The following RBFOX1 variants were observed in gnomAD, a reference collection of about 807,000 sequenced individuals.
RBFOX1 encodes the protein RNA binding fox-1 homolog 1.
In RBFOX1, 8 loss-of-function variants were observed where a neutral mutation model predicts 57.7. The ratio of observed to expected loss-of-function variants is 0.14; its 90% confidence interval spans 0.08 to 0.25. RBFOX1 has a LOEUF of 0.25. Ranked by LOEUF, RBFOX1 falls within the 10% of genes least tolerant of loss-of-function variation. The probability of loss-of-function intolerance (pLI) is 1.00; values close to 1 mark genes in which losing one functional copy is unlikely to be tolerated. For missense variants in RBFOX1, 611 were observed against 548.5 expected (o/e 1.11, Z -1.14); for synonymous variants, 326 against 222.4 (o/e 1.47, Z -4.15).
intron 2 of RBFOX1, among the ~76,000 whole-genome samples, chr16:6,385,974 C>A (rs373809022): frequency 6.8e-6 from 1 of 147,948 alleles, no homozygotes; most frequent in Non-Finnish European, 1.5e-5. Flanking sequence ...CTTGCTCTGT[C>A]GCCCAGGCTG....
rs7198502 is a variant in RBFOX1, at chr16:6,895,418, A to G, written c.-15-156639A>G. Among the ~76,000 whole-genome samples, 601 of 86,790 alleles carry G rather than the reference A, an allele frequency of 6.9e-3. 13 individuals are homozygous for G. The highest frequency in any genetic ancestry group is 0.023 in the Middle Eastern group (3 of 132). 56.9% of individuals were successfully genotyped at this position (86,790 alleles called of 152,430 possible). On this transcript the variant is annotated intron_variant, in intron 3 of 15. Transcript: ENST00000550418. Reference sequence around the variant, plus strand: ...CTCAGCCACTAGTTGTTAGTAATATATGTGTGTGTGTGTGTGTGTGTGTGT... The same window carrying G: ...CTCAGCCACTAGTTGTTAGTAATATGTGTGTGTGTGTGTGTGTGTGTGTGT...
rs2048399049 is a variant in RBFOX1 at position 5,628,170 on chromosome 16, T to C, written c.318+29209T>C. Among the ~76,000 whole-genome samples the C allele has an allele frequency of 2.0e-5, 3 of 152,346 alleles. No homozygotes were observed. In the South Asian group the frequency reaches 6.2e-4, roughly 32 times the overall value. ...AGTTTAGTGTCTGGCATTGGGTAGA[T>C]ACCCTTATATCAGATAGTCTATTGA... On this transcript the variant is annotated intron_variant, in intron 3 of 19. Transcript: ENST00000641259.
intron 1 of RBFOX1, among the ~76,000 whole-genome samples, chr16:6,142,512 T>C (rs139174987): frequency 2.2e-3 from 340 of 152,062 alleles, no homozygotes; most frequent in African/African-American, 7.3e-3. Flanking sequence ...TGAGCCACCA[T>C]GCCTGGCCAA....
chr16:5,633,852 T>TAA (rs71142635), intron 3 of RBFOX1, among the ~76,000 whole-genome samples: 8,096 of 143,718 alleles, frequency 0.056, 662 homozygotes, highest in African/African-American at 0.18. Flanking sequence ...GACTCCGTCT[T>TAA]AAAAAAAAAA....
intron 3 of RBFOX1, among the ~76,000 whole-genome samples, chr16:6,687,821 G>A (rs1377180432): frequency 1.3e-5 from 2 of 152,182 alleles, no homozygotes; most frequent in Non-Finnish European, 2.9e-5. Flanking sequence ...AGTCACATGG[G>A]CCCAACCTAA....
chr16:6,903,464 A>G (rs1478331763), intron 3 of RBFOX1, among the ~76,000 whole-genome samples: 2 of 152,220 alleles, frequency 1.3e-5, no homozygotes, highest in South Asian at 2.1e-4. Context: ...CTGTCTTTGA[A>G]TTCTCTAGTG....
At chr16:5,491,415 C>A (rs149250128) in intron 2 of RBFOX1, among the ~76,000 whole-genome samples, 458 of 152,306 alleles carry the variant, frequency 3.0e-3, no homozygotes, top group Middle Eastern at 6.8e-3. Context: ...TTCTATCTGG[C>A]TTCCTTTGAT....
intron 1 of RBFOX1, among the ~76,000 whole-genome samples, chr16:5,243,950 G>T (rs947262065): frequency 6.6e-6 from 1 of 151,994 alleles, no homozygotes; most frequent in South Asian, 2.1e-4. Flanking sequence ...AGGCTGGAGT[G>T]CAGTGGCATG....
intron 2 of RBFOX1, among the ~76,000 whole-genome samples, chr16:6,611,589 C>T (rs1262423732): frequency 3.3e-5 from 5 of 152,206 alleles, no homozygotes; most frequent in African/African-American, 9.7e-5. Flanking sequence ...CATGGTTTTT[C>T]CTATCCGTGT....
chr16:6,488,672 A>G (rs1417872248), intron 2 of RBFOX1, among the ~76,000 whole-genome samples: 1 of 152,242 alleles, frequency 6.6e-6, no homozygotes, highest in Admixed American at 6.5e-5. Context: ...CTGTTTACAC[A>G]TAATGGGTAC....
intron 4 of RBFOX1, among the ~76,000 whole-genome samples, chr16:7,316,100 A>C (rs966274604): frequency 6.6e-6 from 1 of 152,202 alleles, no homozygotes; most frequent in African/African-American, 2.4e-5. Flanking sequence ...AAATAAAATC[A>C]CATTTCCTCT....
intron 4 of RBFOX1, among the ~76,000 whole-genome samples, chr16:7,501,252 A>G (rs9933576): frequency 0.029 from 4,430 of 152,286 alleles, 219 homozygotes; most frequent in African/African-American, 0.1. Context: ...TTCTATTTCA[A>G]GCACTAGAGT....
intron 2 of RBFOX1, among the ~76,000 whole-genome samples, chr16:6,492,181 AT>A (rs2153138454): frequency 6.6e-6 from 1 of 152,258 alleles, no homozygotes; most frequent in Non-Finnish European, 1.5e-5. Context: ...TATATATTGT[AT>A]TGGAAAATAA....
At chr16:7,419,555 TTGCGGCATA>T (rs1365670105) in intron 4 of RBFOX1, among the ~76,000 whole-genome samples, 1 of 152,248 alleles carries the variant, frequency 6.6e-6, no homozygotes. Flanking sequence ...ATGGCAAATG[TTGCGGCATA>T]TGCAAGCTTG....
chr16:6,066,925 T>G (rs2095772309), intron 1 of RBFOX1, among the ~76,000 whole-genome samples: 1 of 152,090 alleles, frequency 6.6e-6, no homozygotes, highest in South Asian at 2.1e-4. Context: ...TATGGTGTAT[T>G]ATGAAATGAA....
chr16:5,877,712 A>C lies in RBFOX1; in HGVS notation c.351+10377A>C, dbSNP rs1486207818. Among the ~76,000 whole-genome samples the C allele has an allele frequency of 2.6e-5, 4 of 152,368 alleles. No homozygotes were observed. The East Asian group carries it at 7.7e-4, about 29-fold the overall frequency. Reference sequence around the variant, plus strand: ...GAGTGTGCCCAGAGTAGCAGCTCAGAGGCAGTTGTGCAGTCATATTTAGAC... The same window carrying C: ...GAGTGTGCCCAGAGTAGCAGCTCAGCGGCAGTTGTGCAGTCATATTTAGAC... On this transcript the variant is annotated intron_variant, in intron 4 of 19. Transcript: ENST00000641259.
At chr16:6,711,992 G>T (rs1047745865) in intron 3 of RBFOX1, among the ~76,000 whole-genome samples, 2 of 152,132 alleles carry the variant, frequency 1.3e-5, no homozygotes, top group Non-Finnish European at 2.9e-5. Flanking sequence ...ATACGTTTTA[G>T]TGATTTTGTT....
intron 3 of RBFOX1, among the ~76,000 whole-genome samples, chr16:6,751,585 T>A (rs59019841): frequency 0.089 from 13,602 of 152,198 alleles, 762 homozygotes; most frequent in East Asian, 0.16. Context: ...CCTCTGCACA[T>A]CTGATTTGGG....
At chr16:6,048,262 T>A (rs1259135756) in intron 1 of RBFOX1, among the ~76,000 whole-genome samples, 3 of 152,210 alleles carry the variant, frequency 2.0e-5, no homozygotes, top group East Asian at 1.9e-4. Flanking sequence ...AGGATTTGAG[T>A]TCAGACCTTT....
Sources: gnomAD v4.1 joint callset for allele counts (sites outside exome capture counted in the v4.1 genomes callset) on GRCh38, gnomAD v4.1.1 for gene constraint, MANE v1.5 for transcripts, NCBI Gene and HGNC (gene_info 2026-07-23, HGNC 2026-07-21) for gene names.